SNTG2: variants seen among roughly 807,000 people sequenced by gnomAD.
The protein encoded by SNTG2 is syntrophin gamma 2.
In SNTG2, 74 loss-of-function variants were observed where a neutral mutation model predicts 70.9. The observed-to-expected ratio is 1.04, with a 90% CI of 0.86 to 1.27. The LOEUF (loss-of-function observed/expected upper bound fraction) is 1.27. SNTG2 is among the 50% of genes most tolerant of loss of function. SNTG2 has a pLI of 0.00. For missense variants in SNTG2, 717 were observed against 690.7 expected, an observed-to-expected ratio of 1.04 and a Z score of -0.43; for synonymous variants, 278 against 273.8, an observed-to-expected ratio of 1.02 and a Z score of -0.15.
At chr2:1,212,634 G>A (rs765131776) in intron 9 of SNTG2, among the ~76,000 whole-genome samples, 2 of 152,176 alleles carry the variant, frequency 1.3e-5, no homozygotes, top group African/African-American at 2.4e-5. Flanking sequence ...ATAATAAAAC[G>A]CATAAGGGCT....
intron 1 of SNTG2, among the ~76,000 whole-genome samples, chr2:996,604 A>T (rs1661687830): frequency 7.0e-6 from 1 of 143,834 alleles, no homozygotes; most frequent in Admixed American, 7.0e-5. Context: ...ATATATGTAT[A>T]TGTGTGTATA....
At chr2:1,024,289 T>C (rs542718271) in intron 1 of SNTG2, among the ~76,000 whole-genome samples, 19 of 152,376 alleles carry the variant, frequency 1.2e-4, no homozygotes, top group African/African-American at 4.6e-4. Flanking sequence ...AACTAAGCCA[T>C]ACATGATGTG....
At chr2:1,099,238 G>A (rs923492700) in intron 4 of SNTG2, among the ~76,000 whole-genome samples, 1 of 152,150 alleles carries the variant, frequency 6.6e-6, no homozygotes, top group African/African-American at 2.4e-5. Context: ...GTGTCGGGGG[G>A]TGGGGCGGTT....
At position 1,333,695 on chromosome 2, in the gene SNTG2, C is replaced by G. The variant is rs548663968; in HGVS notation, c.1488+17320C>G. On this transcript the variant is annotated intron_variant, in intron 16 of 16. Coordinates refer to ENST00000308624, the MANE Select transcript of SNTG2 (RefSeq NM_018968.4). ...AAAAACATAAATTGGGGAAAGAGAA[C>G]TCTATTCAATATATGGGTCTGGGAT... Among the ~76,000 whole-genome samples, 10 of 152,246 alleles carry G rather than the reference C, an allele frequency of 6.6e-5. 1 individual carries two copies. Among genetic ancestry groups the G allele is most frequent in the Admixed American group, 5.9e-4 (9 of 15,300 alleles).
chr2:1,261,807 C>T (rs1421441749), intron 13 of SNTG2, among the ~76,000 whole-genome samples: 1 of 152,120 alleles, frequency 6.6e-6, no homozygotes, highest in Non-Finnish European at 1.5e-5. Flanking sequence ...AAGGAGCACT[C>T]TGTTTTGTAG....
chr2:1,147,757 G>T (rs1393236516), intron 6 of SNTG2, among the ~76,000 whole-genome samples: 3 of 152,234 alleles, frequency 2.0e-5, no homozygotes, highest in Non-Finnish European at 4.4e-5. Context: ...ATAGTCAACA[G>T]AGTGAGGCTA....
intron 7 of SNTG2, among the ~76,000 whole-genome samples, chr2:1,168,663 C>G (rs936872620): frequency 1.3e-5 from 2 of 152,214 alleles, no homozygotes; most frequent in African/African-American, 4.8e-5. Context: ...AGCAGGATAA[C>G]TATGCTATTC....
intron 8 of SNTG2, among the ~76,000 whole-genome samples, chr2:1,194,184 G>C (rs1172992965): frequency 1.3e-5 from 2 of 152,212 alleles, no homozygotes; most frequent in Non-Finnish European, 2.9e-5. Flanking sequence ...GTAACTCCCA[G>C]AGAGTTAGAA....
intron 9 of SNTG2, among the ~76,000 whole-genome samples, chr2:1,230,654 A>G (rs533352961): frequency 6.6e-6 from 1 of 152,222 alleles, no homozygotes; most frequent in Non-Finnish European, 1.5e-5. Flanking sequence ...CGCAGTGCCC[A>G]GATCCATGGG....
chr2:1,148,367 G>A (rs976893546), intron 6 of SNTG2, among the ~76,000 whole-genome samples: 2 of 152,206 alleles, frequency 1.3e-5, no homozygotes, highest in Non-Finnish European at 2.9e-5. Flanking sequence ...GGGACATGAA[G>A]GCGACATCAC....
At chr2:1,105,987 G>A (rs1340988674) in intron 4 of SNTG2, among the ~76,000 whole-genome samples, 1 of 152,122 alleles carries the variant, frequency 6.6e-6, no homozygotes, top group Non-Finnish European at 1.5e-5. Flanking sequence ...TGTCATTGGG[G>A]TGCAGGGTAT....
intron 1 of SNTG2, among the ~76,000 whole-genome samples, chr2:1,025,695 C>G (rs1315304024): frequency 1.3e-5 from 2 of 152,202 alleles, no homozygotes; most frequent in East Asian, 3.9e-4. Flanking sequence ...CCTCCTGTCC[C>G]CTCTCTGCCT....
intron 16 of SNTG2, among the ~76,000 whole-genome samples, chr2:1,354,311 A>G (rs780293274): frequency 0.11 from 2,167 of 19,372 alleles, 12 homozygotes; most frequent in East Asian, 0.17. Context: ...TGTAAAGTGG[A>G]TACGTTTCCA....
chr2:1,158,660 C>T (rs974453524), intron 6 of SNTG2, among the ~76,000 whole-genome samples: 37 of 152,128 alleles, frequency 2.4e-4, no homozygotes, highest in African/African-American at 6.8e-4. Context: ...AGGCACAGCA[C>T]GGCCAGGGGT....
intron 1 of SNTG2, among the ~76,000 whole-genome samples, chr2:974,091 T>C (rs963651627): frequency 1.3e-5 from 2 of 152,140 alleles, no homozygotes; most frequent in African/African-American, 4.8e-5. Flanking sequence ...TTTTAGCTTA[T>C]AAAACTAAGA....
chr2:1,312,190 T>C (rs1681027292), intron 15 of SNTG2, among the ~76,000 whole-genome samples: 2 of 152,012 alleles, frequency 1.3e-5, no homozygotes, highest in Admixed American at 1.3e-4. Flanking sequence ...ATCTAATCTA[T>C]ATGGCCTAAA....
Position 1,266,635 on chromosome 2 carries a change from C to A in SNTG2, c.1078-730C>A, listed in dbSNP as rs189690951. Among the ~76,000 whole-genome samples the A allele has an allele frequency of 1.3e-4, 20 of 151,878 alleles. No individual in the cohort carries two copies. In the East Asian group the frequency reaches 3.7e-3, roughly 28 times the overall value. ...GCAAGGAGAGGAAGAGCCAGTAATTCTATAGAGACTCGGAGGCGCAGGGGG... is the reference window on the plus strand; with the variant it reads ...GCAAGGAGAGGAAGAGCCAGTAATTATATAGAGACTCGGAGGCGCAGGGGG... On this transcript the variant is annotated intron_variant, in intron 13 of 16. Coordinates refer to ENST00000308624, the MANE Select transcript of SNTG2 (RefSeq NM_018968.4).
intron 16 of SNTG2, among the ~76,000 whole-genome samples, chr2:1,321,731 C>T (rs187494745): frequency 6.6e-6 from 1 of 152,194 alleles, no homozygotes; most frequent in Non-Finnish European, 1.5e-5. Flanking sequence ...CTCATGCAGA[C>T]GGATATCAAA....
Position 1,250,214 on chromosome 2 carries a change from C to T in SNTG2, c.1005+2771C>T, listed in dbSNP as rs548424563. ...GCCCACAAAGTCCGTGCTCTGTCTC[C>T]GCCACCTGGCTTTGCCATGGTTTGT... On this transcript the variant is annotated intron_variant, in intron 12 of 16. Coordinates refer to ENST00000308624, the MANE Select transcript of SNTG2 (RefSeq NM_018968.4). Among the ~76,000 whole-genome samples, 7 of 152,312 alleles carry T rather than the reference C, an allele frequency of 4.6e-5. No homozygotes were observed. The South Asian group carries it at 1.0e-3, about 23-fold the overall frequency.
Sources: gnomAD v4.1 joint callset for allele counts (sites outside exome capture counted in the v4.1 genomes callset) on GRCh38, gnomAD v4.1.1 for gene constraint, MANE v1.5 for transcripts, NCBI Gene and HGNC (gene_info 2026-07-23, HGNC 2026-07-21) for gene names.